The following ASIC2 variants were observed in gnomAD, a reference collection of about 807,000 sequenced individuals.
ASIC2 encodes the protein acid sensing ion channel subunit 2, also known as acid-sensing ion channel 2.
ASIC2 carries 25 observed loss-of-function variants against 57.3 expected under a neutral mutation model. The ratio of observed to expected loss-of-function variants is 0.44; its 90% CI spans 0.32 to 0.61. The LOEUF is 0.61. Among genes scored for constraint, ASIC2 ranks in the 20% least tolerant of loss-of-function variants. The pLI, the probability that ASIC2 is intolerant of heterozygous loss-of-function variation, is 0.06. For missense variants in ASIC2, 641 were observed against 738.1 expected, an observed-to-expected ratio of 0.87 and a Z score of 1.52; for synonymous variants, 319 against 307.5, an observed-to-expected ratio of 1.04 and a Z score of -0.39.
intron 1 of ASIC2, among the ~76,000 whole-genome samples, chr17:33,402,043 A>G (rs1230222178): frequency 6.6e-6 from 1 of 152,178 alleles, no homozygotes; most frequent in Non-Finnish European, 1.5e-5. Context: ...TTGTCCAGAA[A>G]TATTCTTGGA....
chr17:33,226,646 T>C (rs562124455), intron 1 of ASIC2, among the ~76,000 whole-genome samples: 1 of 152,320 alleles, frequency 6.6e-6, no homozygotes, highest in South Asian at 2.1e-4. Flanking sequence ...TCTCTGTCTC[T>C]CCAGCTCTTG....
At position 33,291,454 on chromosome 17, in the gene ASIC2, G is replaced by A. The variant is rs1478038490; in HGVS notation, c.662C>T (p.Ser221Phe). The change falls in exon 1 of 10, where the codon TCC becomes TTC. Residue 221 changes from serine to phenylalanine, a missense_variant. Ser to Phe is a radical substitution (Grantham distance 155, BLOSUM62 -2). Transcript: ENST00000225823. Reference sequence around the variant, plus strand: ...GCAGAGCTCGCCGCGGTACTTGCAGGAGAGCAGCATGTCCTCCAGCTGGTG... The same window carrying A: ...GCAGAGCTCGCCGCGGTACTTGCAGAAGAGCAGCATGTCCTCCAGCTGGTG... The part of the protein sequence containing the change: ...LGHQLEDMLL[S>F]CKYRGELCGP... 2 of 1,611,486 alleles carry A rather than the reference G, an allele frequency of 1.2e-6. No homozygotes were observed. Among genetic ancestry groups the A allele is most frequent in the South Asian group, 2.2e-5 (2 of 91,010 alleles).
At chr17:34,095,548 G>GA (rs1910486428) in intron 1 of ASIC2, among the ~76,000 whole-genome samples, 1 of 147,892 alleles carries the variant, frequency 6.8e-6, no homozygotes, top group Non-Finnish European at 1.5e-5. Context: ...TTTTAATCAT[G>GA]AAAAAATGAG....
At chr17:33,164,513 G>A (rs1428222487) in intron 1 of ASIC2, among the ~76,000 whole-genome samples, 1 of 151,996 alleles carries the variant, frequency 6.6e-6, no homozygotes, top group Non-Finnish European at 1.5e-5. Context: ...AATGGAGGCG[G>A]CATTGGAGGG....
rs2142183054 is a variant in ASIC2 at position 33,291,968 on chromosome 17, C to G, written c.148G>C (p.Gly50Arg). Reference sequence around the variant, plus strand: ...CGCCCCCTGCGGGCGACCCCTGGCCCCTGCAGCGCCCGCTCGCCGCCTCTG... The same window carrying G: ...CGCCCCCTGCGGGCGACCCCTGGCCGCTGCAGCGCCCGCTCGCCGCCTCTG... ...GGRGGERALQ[G>R]PGVARRGRPS... The change falls in exon 1 of 10, where the codon GGG (glycine) becomes CGG (arginine). Residue 50 changes from glycine (G) to arginine (R), a missense_variant. Gly to Arg is a moderately radical substitution (Grantham distance 125). This residue lies in a region of ASIC2 where 382 missense variants were observed against 398.0 expected (regional missense o/e 0.96). Transcript: ENST00000225823. 2.3e-6 allele frequency: 3 copies of G among 1,331,408 alleles called. No homozygotes were observed. The highest frequency in any genetic ancestry group is 1.5e-5 in the African/African-American group (1 of 65,036). The allele number at this position is 1,331,408 out of a possible 1,614,324, so 82.5% of individuals were successfully genotyped here.
intron 1 of ASIC2, chr17:33,541,427 G>A (rs988295985): frequency 1.3e-5 from 2 of 152,144 alleles, no homozygotes; most frequent in Non-Finnish European, 2.9e-5. Flanking sequence ...TGAAAATGAA[G>A]TGCAGCTTGC....
At chr17:33,932,271 A>G (rs1915948098) in intron 1 of ASIC2, among the ~76,000 whole-genome samples, 1 of 152,228 alleles carries the variant, frequency 6.6e-6, no homozygotes, top group African/African-American at 2.4e-5. Context: ...TGGCTGGTCT[A>G]AACTGAGATA....
chr17:33,468,992 CG>C (rs1912952506), intron 1 of ASIC2, among the ~76,000 whole-genome samples: 1 of 152,138 alleles, frequency 6.6e-6, no homozygotes, highest in Non-Finnish European at 1.5e-5. Context: ...GGGTAGTTTA[CG>C]GAAAGAGCCT....
Position 33,926,358 on chromosome 17 carries a change from T to C in ASIC2, c.555+229620A>G, listed in dbSNP as rs73274547. On this transcript the variant is annotated intron_variant, in intron 1 of 9. Coordinates refer to the ASIC2 transcript ENST00000359872. ...TATTTTGAATTTTGAACTTTTTTTT[T>C]GGGATTTTTGAATACATATTTGCAT... 3.2e-4 allele frequency among the ~76,000 whole-genome samples: 49 copies of C among 152,314 alleles called. 3 individuals are homozygous for C. The East Asian group carries it at 9.4e-3, about 29-fold the overall frequency.
intron 1 of ASIC2, among the ~76,000 whole-genome samples, chr17:33,469,500 C>G (rs1439349489): frequency 6.6e-6 from 1 of 152,156 alleles, no homozygotes; most frequent in East Asian, 1.9e-4. Context: ...GGAAGAGGAA[C>G]ACGGAGGTAC....
chr17:33,395,268 T>A (rs549160101), intron 1 of ASIC2, among the ~76,000 whole-genome samples: 1 of 151,940 alleles, frequency 6.6e-6, no homozygotes. Flanking sequence ...ACACTGCTGA[T>A]AAAGACATAA....
intron 3 of ASIC2, among the ~76,000 whole-genome samples, chr17:33,055,819 C>T (rs968312571): frequency 6.6e-6 from 1 of 152,166 alleles, no homozygotes; most frequent in Non-Finnish European, 1.5e-5. Flanking sequence ...CATGTTCTCT[C>T]GGTCTTGTCT....
intron 1 of ASIC2, among the ~76,000 whole-genome samples, chr17:33,322,275 G>A (rs572263621): frequency 2.6e-5 from 4 of 152,224 alleles, no homozygotes; most frequent in African/African-American, 7.2e-5. Flanking sequence ...GAATCACCCC[G>A]GTCTGCCTTC....
intron 1 of ASIC2, chr17:33,565,644 G>A (rs1428027376): frequency 1.3e-5 from 2 of 152,214 alleles, no homozygotes; most frequent in Non-Finnish European, 1.5e-5. Context: ...ACTGATCTGA[G>A]GATAATCCCA....
chr17:33,416,571 CT>C (rs1342906061), intron 1 of ASIC2, among the ~76,000 whole-genome samples: 1 of 152,178 alleles, frequency 6.6e-6, no homozygotes, highest in Non-Finnish European at 1.5e-5. Flanking sequence ...AGGGCAGGTG[CT>C]TGTCTGTGCA....
At chr17:33,968,878 C>A (rs1905145710) in intron 1 of ASIC2, among the ~76,000 whole-genome samples, 1 of 152,256 alleles carries the variant, frequency 6.6e-6, no homozygotes, top group Non-Finnish European at 1.5e-5. Context: ...AGGATGCCAA[C>A]TTCCCCAAGG....
intron 1 of ASIC2, among the ~76,000 whole-genome samples, chr17:34,135,242 A>G (rs909203883): frequency 6.6e-6 from 1 of 152,246 alleles, no homozygotes; most frequent in Non-Finnish European, 1.5e-5. Context: ...TTGTCTTCCA[A>G]CTGTGACCAA....
chr17:33,470,010 T>C (rs975831775), intron 1 of ASIC2, among the ~76,000 whole-genome samples: 1 of 141,252 alleles, frequency 7.1e-6, no homozygotes, highest in African/African-American at 2.7e-5. Context: ...CAACCAGTAA[T>C]AATGCATAAT....
intron 1 of ASIC2, among the ~76,000 whole-genome samples, chr17:33,960,563 A>T (rs193092684): frequency 6.6e-6 from 1 of 152,184 alleles, no homozygotes; most frequent in Non-Finnish European, 1.5e-5. Context: ...CAACTCCTTA[A>T]CCATGGTTTT....
Sources: allele counts gnomAD v4.1 joint callset (sites outside exome capture counted in the v4.1 genomes callset), GRCh38; gene constraint gnomAD v4.1.1; regional missense constraint gnomAD v4.1.1; transcripts MANE v1.5; gene names NCBI Gene and HGNC (gene_info 2026-07-23, HGNC 2026-07-21).